The following CDH13 variants were observed in gnomAD, a reference collection of about 807,000 sequenced individuals.
CDH13 encodes cadherin-13.
A neutral mutation model predicts 63.8 loss-of-function variants in CDH13; 24 were observed. The ratio of observed to expected loss-of-function variants is 0.38; its 90% CI spans 0.27 to 0.53. The LOEUF (loss-of-function observed/expected upper bound fraction) is 0.53. Among genes scored for constraint, CDH13 ranks in the 20% least tolerant of loss-of-function variants. The pLI is 0.85. For missense variants in CDH13, 1,049 were observed against 903.1 expected (o/e 1.16, Z -2.07); for synonymous variants, 503 against 355.3 (o/e 1.42, Z -4.67).
At chr16:83,669,278 T>A (rs1365401510) in intron 8 of CDH13, among the ~76,000 whole-genome samples, 1 of 152,188 alleles carries the variant, frequency 6.6e-6, no homozygotes, top group East Asian at 1.9e-4. Flanking sequence ...TAGATTTTCA[T>A]GCGCTTTAAC....
rs548892819 is a variant in CDH13, at chr16:82,752,212, G to A, written c.46-106150G>A. Among the ~76,000 whole-genome samples the A allele has an allele frequency of 1.1e-4, 16 of 152,306 alleles. No homozygotes were observed. The South Asian group carries it at 2.1e-3, about 20-fold the overall frequency. On this transcript the variant is annotated intron_variant, in intron 1 of 13. Coordinates refer to ENST00000567109, the MANE Select transcript of CDH13 (RefSeq NM_001257.5). ...TCATTATGTAAATAGGATGGCCTGA[G>A]GTGCAAGAACAATGAATAGAATAAT...
At chr16:83,499,750 C>T (rs573562983) in intron 7 of CDH13, among the ~76,000 whole-genome samples, 4 of 152,244 alleles carry the variant, frequency 2.6e-5, no homozygotes, top group African/African-American at 9.6e-5. Context: ...TCTGTATTTT[C>T]TAGTTTGGGT....
At chr16:82,664,538 G>C (rs1295394458) in intron 1 of CDH13, among the ~76,000 whole-genome samples, 1 of 152,196 alleles carries the variant, frequency 6.6e-6, no homozygotes, top group Non-Finnish European at 1.5e-5. Context: ...GTGTGCCTTT[G>C]AAGCATGACT....
At chr16:82,735,786 C>G (rs2033641695) in intron 1 of CDH13, among the ~76,000 whole-genome samples, 2 of 152,156 alleles carry the variant, frequency 1.3e-5, no homozygotes, top group African/African-American at 4.8e-5. Context: ...AGCGTTCTGC[C>G]AAAGAAAAGC....
At chr16:83,054,333 A>G (rs961616178) in intron 3 of CDH13, among the ~76,000 whole-genome samples, 1 of 152,250 alleles carries the variant, frequency 6.6e-6, no homozygotes, top group African/African-American at 2.4e-5. Flanking sequence ...ATAGTAAAAT[A>G]GAACAATTAC....
chr16:83,305,854 A>G (rs1268607574), intron 5 of CDH13, among the ~76,000 whole-genome samples: 1 of 152,184 alleles, frequency 6.6e-6, no homozygotes, highest in African/African-American at 2.4e-5. Flanking sequence ...TAGCTGTCGC[A>G]ATTATTGACC....
intron 7 of CDH13, among the ~76,000 whole-genome samples, chr16:83,582,628 C>T (rs993268163): frequency 6.6e-6 from 1 of 152,134 alleles, no homozygotes; most frequent in African/African-American, 2.4e-5. Flanking sequence ...CCAGGTCTCT[C>T]AGGAGTGGAG....
intron 8 of CDH13, among the ~76,000 whole-genome samples, chr16:83,607,964 C>G (rs997900361): frequency 2.6e-5 from 4 of 152,002 alleles, no homozygotes; most frequent in Non-Finnish European, 5.9e-5. Flanking sequence ...TGATGCCCAA[C>G]AAATACTGAT....
At chr16:83,529,763 TAC>T (rs55822720) in intron 7 of CDH13, among the ~76,000 whole-genome samples, 2 of 152,146 alleles carry the variant, frequency 1.3e-5, no homozygotes, top group Non-Finnish European at 2.9e-5. Flanking sequence ...AAAAGAAAAA[TAC>T]AATATTGATA....
At chr16:83,634,403 C>CTT (rs36010432) in intron 8 of CDH13, among the ~76,000 whole-genome samples, 2 of 141,044 alleles carry the variant, frequency 1.4e-5, no homozygotes, top group Admixed American at 7.1e-5. Flanking sequence ...GATATTAACT[C>CTT]TTTTTTTTTT....
chr16:83,738,620 G>T (rs1911761465), intron 10 of CDH13, among the ~76,000 whole-genome samples: 1 of 152,140 alleles, frequency 6.6e-6, no homozygotes, highest in Admixed American at 6.5e-5. Context: ...AATTAAAAGG[G>T]TTTTGGGCCA....
intron 6 of CDH13, among the ~76,000 whole-genome samples, chr16:83,378,221 G>T (rs1018363995): frequency 4.6e-5 from 7 of 152,150 alleles, no homozygotes; most frequent in African/African-American, 1.7e-4. Context: ...TGATATAGAT[G>T]CCACATAGAT....
chr16:82,782,301 C>G (rs2035791281), intron 1 of CDH13, among the ~76,000 whole-genome samples: 1 of 152,194 alleles, frequency 6.6e-6, no homozygotes, highest in Non-Finnish European at 1.5e-5. Context: ...ATGGCTCACG[C>G]CTGTAATCCC....
intron 1 of CDH13, among the ~76,000 whole-genome samples, chr16:82,646,077 G>C (rs900348993): frequency 6.6e-6 from 1 of 152,252 alleles, no homozygotes; most frequent in Non-Finnish European, 1.5e-5. Flanking sequence ...GATGAACTAA[G>C]AGCATGCTCC....
chr16:83,175,282 G>A, intron 4 of CDH13, among the ~76,000 whole-genome samples: 1 of 152,098 alleles, frequency 6.6e-6, no homozygotes, highest in Non-Finnish European at 1.5e-5. Context: ...TTCTGAAACA[G>A]GGAGTCCATT....
At chr16:82,927,287 A>C (rs987660834) in intron 2 of CDH13, among the ~76,000 whole-genome samples, 1 of 152,156 alleles carries the variant, frequency 6.6e-6, no homozygotes, top group Admixed American at 6.5e-5. Context: ...AGGAGACAGA[A>C]AATAAACTCC....
At chr16:83,718,793 A>T (rs1337495205) in intron 10 of CDH13, among the ~76,000 whole-genome samples, 3 of 152,104 alleles carry the variant, frequency 2.0e-5, no homozygotes, top group Admixed American at 2.0e-4. Context: ...TTTGCTAATC[A>T]TGTGAAACTA....
intron 1 of CDH13, among the ~76,000 whole-genome samples, chr16:82,684,604 C>G (rs565669113): frequency 5.9e-5 from 9 of 152,066 alleles, no homozygotes; most frequent in African/African-American, 2.2e-4. Context: ...AGGACTGTTT[C>G]CAAAATATTT....
At chr16:83,132,785 G>A (rs540388764) in intron 4 of CDH13, among the ~76,000 whole-genome samples, 1 of 152,272 alleles carries the variant, frequency 6.6e-6, no homozygotes, top group Non-Finnish European at 1.5e-5. Flanking sequence ...CCATAGGCTA[G>A]AGTATAGGAG....
Sources: allele counts gnomAD v4.1 joint callset (sites outside exome capture counted in the v4.1 genomes callset), GRCh38; gene constraint gnomAD v4.1.1; transcripts MANE v1.5; gene names NCBI Gene and HGNC (gene_info 2026-07-23, HGNC 2026-07-21).